The following STXBP5L variants were observed in gnomAD, a reference collection of about 807,000 sequenced individuals.
The protein encoded by STXBP5L is syntaxin binding protein 5L.
In STXBP5L, 65 loss-of-function variants were observed where a neutral mutation model predicts 144.5. The observed-to-expected ratio is 0.45, with a 90% CI of 0.37 to 0.55. STXBP5L has a LOEUF of 0.55. Ranked by LOEUF, STXBP5L falls within the 20% of genes least tolerant of loss-of-function variation. The pLI is 0.00. For synonymous variants in STXBP5L, 505 were observed against 469.6 expected (o/e 1.08, Z -0.97); for missense variants, 1,298 against 1,405.5 (o/e 0.92, Z 1.22).
chr3:121,070,375 G>C lies in STXBP5L; in HGVS notation c.470+24840G>C, dbSNP rs547530357. On this transcript the variant is annotated intron_variant, in intron 5 of 26. Transcript: ENST00000471454. ...ACTTTGAGGAATGTGGAGTTGTGGA[G>C]TATAGATAAGGTTCACTGTCCACAG... is the stretch of plus-strand genomic sequence containing the variant. Among the ~76,000 whole-genome samples, 29 of 152,340 alleles carry C rather than the reference G, an allele frequency of 1.9e-4. No individual in the cohort carries two copies. In the South Asian group the frequency reaches 5.4e-3, roughly 28 times the overall value.
chr3:121,055,760 G>A (rs576233127), intron 5 of STXBP5L, among the ~76,000 whole-genome samples: 5 of 151,888 alleles, frequency 3.3e-5, no homozygotes, highest in Non-Finnish European at 5.9e-5. Context: ...GAGTACAGTA[G>A]CATCAGCTTG....
rs367842138 is a variant in STXBP5L at position 120,967,679 on chromosome 3, G to A, written c.287+12642G>A. 4.1e-4 allele frequency among the ~76,000 whole-genome samples: 62 copies of A among 152,108 alleles called. 1 individual carries two copies. In the South Asian group the frequency reaches 0.011, roughly 26 times the overall value. Reference sequence around the variant, plus strand: ...TTTCTTGCTTTCCATTTCTTGAGGTGCAGTGTTAGGCTGTTCATTTGAAGT... The same window carrying A: ...TTTCTTGCTTTCCATTTCTTGAGGTACAGTGTTAGGCTGTTCATTTGAAGT... On this transcript the variant is annotated intron_variant, in intron 3 of 26. Transcript: ENST00000471454.
intron 3 of STXBP5L, among the ~76,000 whole-genome samples, chr3:120,978,103 T>C (rs958614823): frequency 9.8e-5 from 15 of 152,334 alleles, no homozygotes; most frequent in African/African-American, 2.9e-4. Flanking sequence ...CCTTGCTAGA[T>C]TGGGGAAATT....
intron 20 of STXBP5L, among the ~76,000 whole-genome samples, chr3:121,365,621 C>T (rs1489620143): frequency 1.3e-5 from 2 of 151,482 alleles, no homozygotes; most frequent in African/African-American, 4.8e-5. Context: ...AATAATGTCC[C>T]CATTTTCACT....
At chr3:121,139,541 G>A (rs1288909561) in intron 7 of STXBP5L, among the ~76,000 whole-genome samples, 1 of 152,026 alleles carries the variant, frequency 6.6e-6, no homozygotes, top group Non-Finnish European at 1.5e-5. Flanking sequence ...CAGAGTCAAT[G>A]CTCTTAACAA....
intron 20 of STXBP5L, among the ~76,000 whole-genome samples, 156 bp from the exon 21 acceptor site, chr3:121,378,560 G>A (rs149951313): frequency 6.6e-6 from 1 of 152,268 alleles, no homozygotes; most frequent in Admixed American, 6.5e-5. Context: ...CTAAAATTAT[G>A]ACTAAGTCTT....
intron 9 of STXBP5L, among the ~76,000 whole-genome samples, chr3:121,179,557 G>T (rs553731525): frequency 6.6e-5 from 10 of 152,096 alleles, no homozygotes; most frequent in African/African-American, 2.4e-4. Context: ...GATCACACTA[G>T]CTCTCCAGCA....
chr3:121,059,210 C>T (rs1460998898), intron 5 of STXBP5L, among the ~76,000 whole-genome samples: 3 of 152,204 alleles, frequency 2.0e-5, no homozygotes, highest in Admixed American at 1.3e-4. Flanking sequence ...GTTTTCCCAA[C>T]ACCATTTATT....
chr3:120,956,344 T>TAGA (rs1938034552), intron 3 of STXBP5L, among the ~76,000 whole-genome samples: 1 of 151,922 alleles, frequency 6.6e-6, no homozygotes, highest in Non-Finnish European at 1.5e-5. Flanking sequence ...CCTCTTCTTC[T>TAGA]AGCCCCTGGA....
chr3:121,216,867 A>C (rs1247739497), intron 10 of STXBP5L, among the ~76,000 whole-genome samples: 2 of 152,180 alleles, frequency 1.3e-5, no homozygotes, highest in South Asian at 4.1e-4. Flanking sequence ...CCTGTCTTTC[A>C]GAGATGCCCT....
At chr3:120,969,147 C>A (rs1055990812) in intron 3 of STXBP5L, among the ~76,000 whole-genome samples, 1 of 152,044 alleles carries the variant, frequency 6.6e-6, no homozygotes, top group East Asian at 1.9e-4. Flanking sequence ...TACTAATTTA[C>A]ATTCCTATCA....
chr3:120,937,206 C>A (rs1258396814), intron 2 of STXBP5L, among the ~76,000 whole-genome samples: 3 of 152,146 alleles, frequency 2.0e-5, no homozygotes, highest in Non-Finnish European at 4.4e-5. Flanking sequence ...AAACTAGTTT[C>A]TCTTGAGGAC....
intron 3 of STXBP5L, among the ~76,000 whole-genome samples, chr3:121,031,767 G>A (rs555734280): frequency 7.9e-5 from 12 of 152,264 alleles, no homozygotes; most frequent in South Asian, 6.2e-4. Context: ...GACCAGTTAA[G>A]GAGTTGCAAT....
chr3:121,092,596 G>A (rs1362874114), intron 5 of STXBP5L, among the ~76,000 whole-genome samples: 2 of 152,144 alleles, frequency 1.3e-5, no homozygotes, highest in East Asian at 3.8e-4. Flanking sequence ...GTATAAGAAT[G>A]CTTGTGATTT....
At chr3:121,049,866 G>A (rs980237137) in intron 5 of STXBP5L, among the ~76,000 whole-genome samples, 14 of 152,142 alleles carry the variant, frequency 9.2e-5, no homozygotes, top group Non-Finnish European at 1.2e-4. Context: ...TGATGGCTCT[G>A]CCAAGACTCC....
chr3:121,167,836 G>A (rs2046557241), intron 9 of STXBP5L, among the ~76,000 whole-genome samples: 1 of 152,156 alleles, frequency 6.6e-6, no homozygotes. Flanking sequence ...CTCTGCTAAG[G>A]GTCAGATTGC....
Position 121,057,508 on chromosome 3 carries a change from G to A in STXBP5L, c.470+11973G>A, listed in dbSNP as rs147871329. On this transcript the variant is annotated intron_variant, in intron 5 of 26. Coordinates refer to ENST00000471454, the MANE Select transcript of STXBP5L (RefSeq NM_001308330.2). The stretch of plus-strand genomic sequence containing the variant: ...TTACCTTCCAGTCACTTACCCCCAG[G>A]TATCCTAATTTCCAACTCTATAGAT... 2.2e-4 allele frequency among the ~76,000 whole-genome samples: 34 copies of A among 151,768 alleles called. No individual in the cohort carries two copies. In the East Asian group the frequency reaches 6.0e-3, roughly 27 times the overall value.
At chr3:121,103,549 A>G (rs2043540728) in intron 5 of STXBP5L, among the ~76,000 whole-genome samples, 1 of 152,090 alleles carries the variant, frequency 6.6e-6, no homozygotes, top group Admixed American at 6.6e-5. Context: ...GGCAAGAGTT[A>G]ATGAATTGAC....
At chr3:121,342,444 C>T (rs1258531415) in intron 20 of STXBP5L, among the ~76,000 whole-genome samples, 3 of 151,148 alleles carry the variant, frequency 2.0e-5, no homozygotes. Context: ...TGCGCTGCAC[C>T]CATTAACTCG....
Sources: allele counts gnomAD v4.1 joint callset (sites outside exome capture counted in the v4.1 genomes callset), GRCh38; gene constraint gnomAD v4.1.1; transcripts MANE v1.5; gene names NCBI Gene and HGNC (gene_info 2026-07-23, HGNC 2026-07-21).